The following ANK3 variants were observed in gnomAD, a reference collection of about 807,000 sequenced individuals.
The protein encoded by ANK3 is ankyrin-3.
In ANK3, 57 loss-of-function variants were observed where a neutral mutation model predicts 370.9. That is an observed-to-expected ratio of 0.15 (90% confidence interval 0.12 to 0.19). The LOEUF (loss-of-function observed/expected upper bound fraction) is 0.19. Among genes scored for constraint, ANK3 ranks in the 10% least tolerant of loss-of-function variants. ANK3 has a pLI of 1.00. For missense variants in ANK3, 4,439 were observed against 5,302.1 expected, an observed-to-expected ratio of 0.84 and a Z score of 5.06; for synonymous variants, 1,929 against 1,946.3, an observed-to-expected ratio of 0.99 and a Z score of 0.23.
In ANK3 at chr10:60,542,229, A is replaced by G. The variant is rs7898445; in HGVS notation, c.96+72957T>C. Among the ~76,000 whole-genome samples, 910 of 151,890 alleles carry G rather than the reference A, an allele frequency of 6.0e-3. 13 individuals are homozygous for G. Among genetic ancestry groups the G allele is most frequent in the African/African-American group, 0.02 (844 of 41,490 alleles). Reference sequence around the variant, plus strand: ...AATATAAAAAAATTATATATATGTGAGTCCTACATGAGTCTGCACCCTCAG... The same window carrying G: ...AATATAAAAAAATTATATATATGTGGGTCCTACATGAGTCTGCACCCTCAG... On this transcript the variant is annotated intron_variant, in intron 2 of 43. Transcript: ENST00000373827.
chr10:60,166,861 T>C lies in ANK3; in HGVS notation c.2514A>G (p.Glu838=), dbSNP rs2095638589. ...VTEKHKMNVP[E]TMNEVLDMSD... ...ACATATCAAGAACTTCATTCATCGT[T>C]TCTGGAACATTCATTTTGTGCTTCT... The change falls in exon 22 of 44, where the codon GAA becomes GAG. Residue 838 remains glutamate (E), a synonymous_variant. Transcript: ENST00000280772. The C allele has an allele frequency of 6.2e-7, 1 of 1,613,918 alleles. No homozygotes were observed. The highest frequency in any genetic ancestry group is 1.7e-5 in the Admixed American group (1 of 60,004).
chr10:60,145,411 C>A (rs2094767060), intron 23 of ANK3, among the ~76,000 whole-genome samples: 1 of 152,082 alleles, frequency 6.6e-6, no homozygotes, highest in Non-Finnish European at 1.5e-5. Context: ...TTTCTTTGAT[C>A]ATACAGCAAA....
At chr10:60,658,910 A>AG in intron 1 of ANK3, among the ~76,000 whole-genome samples, 2 of 113,622 alleles carry the variant, frequency 1.8e-5, no homozygotes, top group Non-Finnish European at 3.9e-5. Flanking sequence ...AGGAAAGGAA[A>AG]GAAAAGGAAA....
At chr10:60,039,890 G>C (rs1444092695) in intron 43 of ANK3, among the ~76,000 whole-genome samples, 1 of 152,090 alleles carries the variant, frequency 6.6e-6, no homozygotes, top group East Asian at 1.9e-4. Context: ...AGAACATTAG[G>C]CTGAGAATCA....
At chr10:60,619,852 A>G (rs990459387) in intron 1 of ANK3, among the ~76,000 whole-genome samples, 4 of 152,126 alleles carry the variant, frequency 2.6e-5, no homozygotes, top group African/African-American at 9.7e-5. Context: ...AACATTTACT[A>G]TTTCTACTAG....
chr10:60,080,920 A>C (rs2085052799), intron 35 of ANK3, among the ~76,000 whole-genome samples: 1 of 152,232 alleles, frequency 6.6e-6, no homozygotes, highest in South Asian at 2.1e-4. Context: ...AAGCACATAT[A>C]TCACAAAGTA....
rs1410827302 is a variant in ANK3, at chr10:60,389,797, AC to A, written c.-260del. On this transcript the variant is annotated 5_prime_UTR_variant, in exon 1 of 44. Coordinates refer to ENST00000280772, the MANE Select transcript of ANK3 (RefSeq NM_020987.5). ...AGAGTGCAGCCATCGTAATGCATTT[AC>A]CGTAGTGAAGAAGACAGCTGGGACA... 1.7e-5 allele frequency: 22 copies of A among 1,272,640 alleles called. No homozygotes were observed. The highest frequency in any genetic ancestry group is 2.2e-5 in the Non-Finnish European group (22 of 1,006,608). 78.8% of individuals were successfully genotyped at this position (1,272,640 alleles called of 1,614,324 possible).
At chr10:60,608,474 G>A (rs1054141904) in intron 2 of ANK3, among the ~76,000 whole-genome samples, 1 of 152,110 alleles carries the variant, frequency 6.6e-6, no homozygotes, top group African/African-American at 2.4e-5. Context: ...ACTTTATTGT[G>A]AAGAGAGAAG....
At chr10:60,059,519 T>C (rs2079911771) in intron 40 of ANK3, 89 bp from the exon 41 acceptor site, 2 of 1,286,666 alleles carry the variant, frequency 1.6e-6, no homozygotes, top group Non-Finnish European at 2.3e-6. Context: ...CAGACTCTAC[T>C]CCTTCTTCAA....
intron 25 of ANK3, among the ~76,000 whole-genome samples, chr10:60,126,004 G>A (rs948197062): frequency 3.3e-5 from 5 of 152,154 alleles, no homozygotes; most frequent in Non-Finnish European, 5.9e-5. Flanking sequence ...AGAGTTATGG[G>A]GTGGAAGATG....
chr10:60,243,706 T>C (rs1441820939), intron 7 of ANK3, among the ~76,000 whole-genome samples: 2 of 152,206 alleles, frequency 1.3e-5, no homozygotes, highest in Non-Finnish European at 2.9e-5. Flanking sequence ...TTATTTGTAT[T>C]ACTTATTATA....
chr10:60,576,083 A>C (rs2077679157), intron 2 of ANK3, among the ~76,000 whole-genome samples: 2 of 152,192 alleles, frequency 1.3e-5, no homozygotes, highest in African/African-American at 2.4e-5. Flanking sequence ...AAATTCCCTC[A>C]GCTCTTGGGG....
At chr10:60,499,667 G>T (rs1189899489) in intron 2 of ANK3, among the ~76,000 whole-genome samples, 1 of 152,170 alleles carries the variant, frequency 6.6e-6, no homozygotes, top group African/African-American at 2.4e-5. Context: ...AGAAGAGCCA[G>T]ACACTGACAG....
chr10:60,218,378 A>T (rs1423531710), intron 8 of ANK3, among the ~76,000 whole-genome samples: 1 of 149,892 alleles, frequency 6.7e-6, no homozygotes. Context: ...TCATAGTTTC[A>T]TTAGTCTTTA....
Position 60,069,625 on chromosome 10 carries a change from AC to A in ANK3, c.11255del (p.Cys3752PhefsTer4). 1 of 1,614,126 alleles carries A rather than the reference AC, an allele frequency of 6.2e-7. No individual in the cohort carries two copies. The highest frequency in any genetic ancestry group is 8.5e-7 in the Non-Finnish European group (1 of 1,180,016). Reference protein sequence around the residue: ...TDKIEAVMTSCQGLENETITM... With the variant: ...TDKIEAVMTSXQGLENETITM... ...TTATAGTTTCATTTTCTAATCCCTGACAACTGGTCATCACCGCTTCTATCTT... is the reference window on the plus strand; with the variant it reads ...TTATAGTTTCATTTTCTAATCCCTGAAACTGGTCATCACCGCTTCTATCTT... On this transcript the variant is annotated frameshift_variant, in exon 37 of 44. Coordinates refer to ENST00000280772, the MANE Select transcript of ANK3 (RefSeq NM_020987.5). LOFTEE classifies it high-confidence loss of function.
intron 1 of ANK3, among the ~76,000 whole-genome samples, chr10:60,648,319 A>ATTT (rs71018916): frequency 1.6e-5 from 2 of 127,368 alleles, no homozygotes; most frequent in South Asian, 2.7e-4. Context: ...TGCCCGGCTA[A>ATTT]TTTTTTTTTT....
At position 60,186,799 on chromosome 10, in the gene ANK3, G is replaced by A. The variant is rs146438080; in HGVS notation, c.2001C>T (p.Ser667=). ...GCCCTTCCTGAGCTGCGAGATGGAC[G>A]GAAGCAATTCCTTGCCGGGTAACTG... ...ANAVTRQGIA[S]VHLAAQEGHV... is the part of the protein sequence containing the mutation. Residue 667 remains serine, a synonymous_variant, in exon 17 of 44, where the codon TCC becomes TCT. Transcript: ENST00000280772. 1.6e-4 allele frequency: 251 copies of A among 1,614,036 alleles called. 1 individual carries two copies. The highest frequency in any genetic ancestry group is 4.5e-4 in the African/African-American group (34 of 74,904).
intron 1 of ANK3, among the ~76,000 whole-genome samples, chr10:60,698,603 G>A (rs1027452476): frequency 2.3e-4 from 34 of 149,272 alleles, no homozygotes; most frequent in South Asian, 6.5e-4. Flanking sequence ...TCCTTTGTAC[G>A]GACATGGATG....
chr10:60,212,812 T>C (rs1336486173), intron 9 of ANK3, among the ~76,000 whole-genome samples: 1 of 152,170 alleles, frequency 6.6e-6, no homozygotes, highest in Non-Finnish European at 1.5e-5. Context: ...GTGGTTTACA[T>C]GTCTCAAAAT....
Sources: allele counts gnomAD v4.1 joint callset (sites outside exome capture counted in the v4.1 genomes callset), GRCh38; gene constraint gnomAD v4.1.1; transcripts MANE v1.5; gene names NCBI Gene and HGNC (gene_info 2026-07-23, HGNC 2026-07-21).